The following GLYATL2 variants were observed in gnomAD, a reference collection of about 807,000 sequenced individuals.
GLYATL2 encodes glycine N-acyltransferase-like protein 2.
In GLYATL2, 25 loss-of-function variants were observed where a neutral mutation model predicts 21.4. The observed-to-expected ratio is 1.17, with a 90% CI of 0.85 to 1.63. GLYATL2 has a LOEUF of 1.63. GLYATL2 is among the 40% of genes most tolerant of loss of function. The probability of loss-of-function intolerance (pLI) is 0.00; values close to 1 mark genes in which losing one functional copy is unlikely to be tolerated. For synonymous variants in GLYATL2, 114 were observed against 118.2 expected, an observed-to-expected ratio of 0.96 and a Z score of 0.23; for missense variants, 361 against 343.3, an observed-to-expected ratio of 1.05 and a Z score of -0.41.
At chr11:58,890,717 C>T (rs963808539) in intron 1 of GLYATL2, among the ~76,000 whole-genome samples, 5 of 151,676 alleles carry the variant, frequency 3.3e-5, no homozygotes, top group Non-Finnish European at 5.9e-5. Context: ...AGTATATAAT[C>T]TTCTATTATA....
chr11:58,853,529 A>G lies in GLYATL2; in HGVS notation n.61-15161T>C, dbSNP rs529222382. Among the ~76,000 whole-genome samples, 687 of 152,258 alleles carry G rather than the reference A, an allele frequency of 4.5e-3. 23 individuals carry two copies. The highest frequency in any genetic ancestry group is 5.4e-4 in the Non-Finnish European group (37 of 68,002). On this transcript the variant is annotated intron_variant and non_coding_transcript_variant, in intron 1 of 4. Transcript: ENST00000533636. ...AGGGACGACTGTAGTATCAACTGGA[A>G]GTATCATATGTTTGGGTGGGCTCTG...
At chr11:58,900,399 T>C (rs912995033) in intron 1 of GLYATL2, among the ~76,000 whole-genome samples, 4 of 152,104 alleles carry the variant, frequency 2.6e-5, no homozygotes, top group Admixed American at 1.3e-4. Context: ...CGAAAAAACC[T>C]ATGGAAGGTG....
intron 1 of GLYATL2, among the ~76,000 whole-genome samples, chr11:58,888,125 C>T (rs1331454711): frequency 6.6e-6 from 1 of 152,036 alleles, no homozygotes; most frequent in Admixed American, 6.6e-5. Context: ...TTGGGGTTTA[C>T]TTCTGAACTG....
chr11:58,892,223 A>G, intron 1 of GLYATL2: 1 of 165,970 alleles, frequency 6.0e-6, no homozygotes, highest in Admixed American at 5.9e-5. Context: ...ACAGGATATG[A>G]CTGACAACAT....
Position 58,834,573 on chromosome 11 carries a change from C to G in GLYATL2, c.741G>C (p.Lys247Asn), listed in dbSNP as rs753668416. 1 of 1,613,880 alleles carries G rather than the reference C, an allele frequency of 6.2e-7. No individual in the cohort carries two copies. The highest frequency in any genetic ancestry group is 8.5e-7 in the Non-Finnish European group (1 of 1,179,936). The change falls in exon 6 of 6, where the codon AAG becomes AAC. Residue 247 changes from lysine to asparagine, a missense_variant. Coordinates refer to ENST00000287275, the MANE Select transcript of GLYATL2 (RefSeq NM_145016.4). ...NMLQIGYHLE[K>N]YLSQKEIPFY... is the part of the protein sequence containing the mutation. ...ATGGGATTTCTTTCTGAGAAAGATA[C>G]TTTTCAAGATGATAACCAATTTGCA...
rs781176445 is a variant in GLYATL2, at chr11:58,837,403, A to T, written c.187-6T>A. On this transcript the variant is annotated splice_polypyrimidine_tract_variant and splice_region_variant and intron_variant, in intron 3 of 5. Coordinates refer to ENST00000287275, the MANE Select transcript of GLYATL2 (RefSeq NM_145016.4). ...TCCTGGTCATCTTTCATCTCCTGAT[A>T]TAACAAATATCAATTATATTTACAT... 6.2e-7 allele frequency: 1 copy of T among 1,610,796 alleles called. No homozygotes were observed. The highest frequency in any genetic ancestry group is 2.2e-5 in the East Asian group (1 of 44,834).
At chr11:58,846,728 G>A (rs1231382664), upstream of GLYATL2, among the ~76,000 whole-genome samples, 1 of 152,158 alleles carries the variant, frequency 6.6e-6, no homozygotes, top group Non-Finnish European at 1.5e-5. Flanking sequence ...AAAGTTCTCT[G>A]TGTTTCCAAG....
At chr11:58,899,576 G>A (rs1854697851) in intron 1 of GLYATL2, among the ~76,000 whole-genome samples, 1 of 151,952 alleles carries the variant, frequency 6.6e-6, no homozygotes, top group Non-Finnish European at 1.5e-5. Flanking sequence ...AACAGGAAGG[G>A]GTTAGGACGG....
At position 58,837,152 on chromosome 11, in the gene GLYATL2, T is replaced by C. The variant is rs1853448046; in HGVS notation, c.339A>G (p.Ala113=). 1 of 1,613,864 alleles carries C rather than the reference T, an allele frequency of 6.2e-7. No homozygotes were observed. Among genetic ancestry groups the C allele is most frequent in the Admixed American group, 1.7e-5 (1 of 59,996 alleles). Residue 113 remains alanine (A), a synonymous_variant, in exon 5 of 6, where the codon GCA becomes GCG. Transcript: ENST00000287275. ...IQGCQEGLDE[A]IRKVATSKSV... Reference sequence around the variant, plus strand: ...ATTTTGAAGTTGCAACCTTTCTTATTGCTTCATCCAAGCCCTCTTGGCAAC... The same window carrying C: ...ATTTTGAAGTTGCAACCTTTCTTATCGCTTCATCCAAGCCCTCTTGGCAAC...
chr11:58,866,067 A>C (rs1479539680), intron 1 of GLYATL2, among the ~76,000 whole-genome samples: 2 of 148,666 alleles, frequency 1.3e-5, no homozygotes, highest in Non-Finnish European at 3.0e-5. Flanking sequence ...CTAAAACCAT[A>C]TACCACTTCC....
intron 1 of GLYATL2, among the ~76,000 whole-genome samples, chr11:58,902,574 C>T (rs565159705): frequency 3.4e-4 from 52 of 152,122 alleles, no homozygotes; most frequent in Non-Finnish European, 6.2e-4. Context: ...TGAAGGAATC[C>T]CTTTCCATAA....
chr11:58,880,903 A>C (rs1284621651), intron 1 of GLYATL2, among the ~76,000 whole-genome samples: 1 of 152,240 alleles, frequency 6.6e-6, no homozygotes, highest in Non-Finnish European at 1.5e-5. Context: ...CTATTACTTA[A>C]GACATATTAG....
chr11:58,844,300 G>A (rs1045772795), intron 1 of GLYATL2, 134 bp downstream of exon 1: 1 of 152,162 alleles, frequency 6.6e-6, no homozygotes, highest in African/African-American at 2.4e-5. Flanking sequence ...TCAACATTGA[G>A]ACCCTGGGGA....
chr11:58,881,589 T>A (rs1442084443), intron 1 of GLYATL2, among the ~76,000 whole-genome samples: 4 of 151,674 alleles, frequency 2.6e-5, no homozygotes, highest in Admixed American at 6.6e-5. Context: ...AGAAGGCTGA[T>A]TTTTTTTTAT....
At chr11:58,880,213 A>C (rs1185124767) in intron 1 of GLYATL2, among the ~76,000 whole-genome samples, 1 of 152,126 alleles carries the variant, frequency 6.6e-6, no homozygotes, top group African/African-American at 2.4e-5. Flanking sequence ...GCAGCTTCCT[A>C]ATTTAAAAAA....
intron 1 of GLYATL2, among the ~76,000 whole-genome samples, chr11:58,853,326 G>T (rs768179805): frequency 7.2e-5 from 11 of 152,156 alleles, no homozygotes; most frequent in South Asian, 2.1e-4. Context: ...ATATTGGTAG[G>T]TTCCACATCT....
chr11:58,849,020 T>A (rs144403805), upstream of GLYATL2, among the ~76,000 whole-genome samples: 182 of 152,300 alleles, frequency 1.2e-3, no homozygotes, highest in African/African-American at 4.2e-3. Flanking sequence ...AGTGGAAACC[T>A]AGGAGACAGT....
upstream of GLYATL2, among the ~76,000 whole-genome samples, chr11:58,849,286 A>G (rs1157545624): frequency 6.6e-6 from 1 of 152,214 alleles, no homozygotes; most frequent in Non-Finnish European, 1.5e-5. Flanking sequence ...ACGAACAGAC[A>G]GAATATTATA....
In GLYATL2 at chr11:58,838,427, A is replaced by G. The variant is rs552398211; in HGVS notation, c.79-59T>C. 7.1e-4 allele frequency: 749 copies of G among 1,054,568 alleles called. 9 individuals are homozygous for G. Among genetic ancestry groups the G allele is most frequent in the South Asian group, 3.4e-3 (243 of 71,892 alleles). The allele number at this position is 1,054,568 out of a possible 1,614,324, so 65.3% of individuals were successfully genotyped here. On this transcript the variant is annotated intron_variant, in intron 2 of 5. Transcript: ENST00000287275. ...AAGTTCTTCTCCAATATAGAGTCTTATATGTGGAGAAATAAGACATGACAT... is the reference window on the plus strand; with the variant it reads ...AAGTTCTTCTCCAATATAGAGTCTTGTATGTGGAGAAATAAGACATGACAT...
Sources: gnomAD v4.1 joint callset for allele counts (sites outside exome capture counted in the v4.1 genomes callset) on GRCh38, gnomAD v4.1.1 for gene constraint, MANE v1.5 for transcripts, NCBI Gene and HGNC (gene_info 2026-07-23, HGNC 2026-07-21) for gene names.